The following OSBPL1A variants were observed in gnomAD, a reference collection of about 807,000 sequenced individuals.
OSBPL1A encodes the protein oxysterol-binding protein-related protein 1.
A neutral mutation model predicts 137.1 loss-of-function variants in OSBPL1A; 80 were observed. The ratio of observed to expected loss-of-function variants is 0.58; its 90% CI spans 0.49 to 0.70. The LOEUF (loss-of-function observed/expected upper bound fraction) is 0.70. OSBPL1A is among the 30% of genes least tolerant of loss of function. The probability of loss-of-function intolerance (pLI) is 0.00; values close to 1 mark genes in which losing one functional copy is unlikely to be tolerated. For synonymous variants in OSBPL1A, 365 were observed against 389.7 expected (o/e 0.94, Z 0.75); for missense variants, 970 against 1,129.4 (o/e 0.86, Z 2.02).
intron 5 of OSBPL1A, among the ~76,000 whole-genome samples, chr18:24,339,456 C>G (rs2091237741): frequency 6.6e-6 from 1 of 152,198 alleles, no homozygotes; most frequent in African/African-American, 2.4e-5. Flanking sequence ...GTTTCCCAAG[C>G]TAAGACCACA....
chr18:24,375,679 C>T (rs1356114910), intron 2 of OSBPL1A, among the ~76,000 whole-genome samples: 4 of 152,168 alleles, frequency 2.6e-5, no homozygotes, highest in Non-Finnish European at 5.9e-5. Context: ...GATCCTGGTA[C>T]CTATTTTGTA....
rs76199981 is a variant in OSBPL1A at position 24,204,002 on chromosome 18, T to A, written c.1602-7802A>T. Among the ~76,000 whole-genome samples the A allele has an allele frequency of 4.7e-3, 716 of 152,348 alleles. 7 individuals are homozygous for A. Among genetic ancestry groups the A allele is most frequent in the African/African-American group, 0.016 (674 of 41,580 alleles). Reference sequence around the variant, plus strand: ...ACAATGCAACAAAAATATTTCGATATATGATGTATTCTTATTTAAATCTGA... The same window carrying A: ...ACAATGCAACAAAAATATTTCGATAAATGATGTATTCTTATTTAAATCTGA... On this transcript the variant is annotated intron_variant, in intron 17 of 27. Transcript: ENST00000319481.
At chr18:24,349,318 AG>A (rs1156977346) in intron 4 of OSBPL1A, among the ~76,000 whole-genome samples, 1 of 152,220 alleles carries the variant, frequency 6.6e-6, no homozygotes, top group African/African-American at 2.4e-5. Context: ...AGAAAAAAAA[AG>A]TTTGAAAGAC....
At chr18:24,227,560 G>A (rs1037473228) in intron 16 of OSBPL1A, among the ~76,000 whole-genome samples, 2 of 152,192 alleles carry the variant, frequency 1.3e-5, no homozygotes, top group African/African-American at 2.4e-5. Flanking sequence ...TTTAGGGCAC[G>A]TGTGGAAAGA....
At chr18:24,182,811 A>C (rs576060366) in intron 18 of OSBPL1A, among the ~76,000 whole-genome samples, 1 of 152,298 alleles carries the variant, frequency 6.6e-6, no homozygotes, top group East Asian at 1.9e-4. Flanking sequence ...GACAAGTCAG[A>C]AAAACTGTGA....
intron 9 of OSBPL1A, among the ~76,000 whole-genome samples, chr18:24,317,657 G>T (rs915468752): frequency 1.1e-4 from 16 of 152,154 alleles, no homozygotes; most frequent in African/African-American, 3.9e-4. Context: ...TGACAAAACT[G>T]TTCAGGGATT....
At chr18:24,308,118 T>C (rs1425305653) in intron 13 of OSBPL1A, among the ~76,000 whole-genome samples, 1 of 76,096 alleles carries the variant, frequency 1.3e-5, no homozygotes. Flanking sequence ...TGCTCATTAC[T>C]TTTTTTTTTT....
chr18:24,203,090 G>T (rs2087265725), intron 17 of OSBPL1A, among the ~76,000 whole-genome samples: 1 of 152,198 alleles, frequency 6.6e-6, no homozygotes, highest in Admixed American at 6.5e-5. Context: ...CGATTCTCCT[G>T]CTTCAGCCAT....
chr18:24,198,212 A>G (rs2087096758), intron 17 of OSBPL1A, among the ~76,000 whole-genome samples: 1 of 152,246 alleles, frequency 6.6e-6, no homozygotes, highest in South Asian at 2.1e-4. Flanking sequence ...AAACGCTGAC[A>G]TTAAATGTAT....
intron 1 of OSBPL1A, among the ~76,000 whole-genome samples, chr18:24,392,758 G>A (rs6508313): frequency 0.016 from 2,358 of 152,066 alleles, 68 homozygotes; most frequent in African/African-American, 0.054. Flanking sequence ...TGGCACAATC[G>A]TGGCTCACTG....
At chr18:24,241,403 T>C (rs1055229642) in intron 15 of OSBPL1A, among the ~76,000 whole-genome samples, 1 of 152,038 alleles carries the variant, frequency 6.6e-6, no homozygotes, top group Non-Finnish European at 1.5e-5. Flanking sequence ...ATATCCAGAA[T>C]CTACAATGAA....
At chr18:24,170,497 T>G in intron 23 of OSBPL1A, 44 bp from the exon 24 acceptor site, 1 of 1,612,402 alleles carries the variant, frequency 6.2e-7, no homozygotes, top group Non-Finnish European at 8.5e-7. Context: ...CAGTGTTTGT[T>G]TTTTTAAAGC....
At chr18:24,167,675 C>T (rs1340631565) in intron 24 of OSBPL1A, among the ~76,000 whole-genome samples, 2 of 152,044 alleles carry the variant, frequency 1.3e-5, no homozygotes, top group South Asian at 2.1e-4. Context: ...TTTGGCTTTC[C>T]ACATGAAAAA....
chr18:24,319,564 A>C (rs541571519), intron 7 of OSBPL1A, among the ~76,000 whole-genome samples: 2 of 152,326 alleles, frequency 1.3e-5, no homozygotes, highest in Admixed American at 1.3e-4. Flanking sequence ...AATTTTTCCA[A>C]CCTTACACAT....
chr18:24,314,814 T>C (rs768093177), intron 11 of OSBPL1A, among the ~76,000 whole-genome samples: 5 of 151,970 alleles, frequency 3.3e-5, no homozygotes, highest in African/African-American at 1.2e-4. Context: ...AAAATAAAAA[T>C]TTGGCATGAA....
intron 15 of OSBPL1A, among the ~76,000 whole-genome samples, chr18:24,272,434 C>T (rs2089747708): frequency 6.6e-6 from 1 of 152,000 alleles, no homozygotes. Context: ...AGTTGGGACA[C>T]TGAGCAACAA....
chr18:24,250,005 C>T (rs981349698), intron 15 of OSBPL1A, among the ~76,000 whole-genome samples: 1 of 152,148 alleles, frequency 6.6e-6, no homozygotes, highest in Non-Finnish European at 1.5e-5. Flanking sequence ...TGTCTCTTTC[C>T]TTCTGCTTAA....
At chr18:24,363,899 A>G (rs1405177244) in intron 4 of OSBPL1A, among the ~76,000 whole-genome samples, 1 of 151,744 alleles carries the variant, frequency 6.6e-6, no homozygotes, top group East Asian at 1.9e-4. Context: ...TGGCCTCCCA[A>G]AGTGCTGAGA....
chr18:24,375,314 CAAAAAAAAAAA>C (rs61252568), intron 2 of OSBPL1A, among the ~76,000 whole-genome samples: 32 of 41,722 alleles, frequency 7.7e-4, no homozygotes, highest in Admixed American at 3.1e-3. Context: ...AACCCTGTCT[CAAAAAAAAAAA>C]AAAAAAAAAA....
Sources: gnomAD v4.1 joint callset for allele counts (sites outside exome capture counted in the v4.1 genomes callset) on GRCh38, gnomAD v4.1.1 for gene constraint, MANE v1.5 for transcripts, NCBI Gene and HGNC (gene_info 2026-07-23, HGNC 2026-07-21) for gene names.